Variants in NOL4 observed in about 807,000 individuals in gnomAD.
NOL4 encodes the protein nucleolar protein 4.
Under a neutral mutation model 75.9 loss-of-function variants are expected in NOL4, and 17 were observed. The observed-to-expected ratio is 0.22, with a 90% CI of 0.15 to 0.34. The LOEUF (loss-of-function observed/expected upper bound fraction) is 0.34, where lower values mean the gene tolerates loss of function less well. NOL4 is among the 10% of genes least tolerant of loss of function. The probability of loss-of-function intolerance (pLI) is 1.00; values close to 1 mark genes in which losing one functional copy is unlikely to be tolerated. For synonymous variants in NOL4, 292 were observed against 289.9 expected (o/e 1.01, Z -0.07); for missense variants, 614 against 793.5 (o/e 0.77, Z 2.72).
chr18:34,088,504 T>C (rs2078351342), intron 5 of NOL4, among the ~76,000 whole-genome samples: 1 of 152,072 alleles, frequency 6.6e-6, no homozygotes, highest in South Asian at 2.1e-4. Flanking sequence ...TGCTGAATAT[T>C]TGAAGGATGC....
At chr18:34,024,634 C>T (rs966474838) in intron 5 of NOL4, among the ~76,000 whole-genome samples, 2 of 152,122 alleles carry the variant, frequency 1.3e-5, no homozygotes, top group Non-Finnish European at 2.9e-5. Context: ...TACACCATAA[C>T]TGCCTTTACT....
At chr18:33,994,812 A>G (rs1246512792) in intron 6 of NOL4, among the ~76,000 whole-genome samples, 1 of 151,758 alleles carries the variant, frequency 6.6e-6, no homozygotes, top group Admixed American at 6.6e-5. Flanking sequence ...TTAATGAAAT[A>G]GAGAATAGAG....
At chr18:34,152,975 TAGTC>T (rs1204385360) in intron 1 of NOL4, among the ~76,000 whole-genome samples, 2 of 151,878 alleles carry the variant, frequency 1.3e-5, no homozygotes, top group Admixed American at 6.6e-5. Context: ...AAGTAATCAA[TAGTC>T]AGGAACTATT....
intron 1 of NOL4, among the ~76,000 whole-genome samples, chr18:34,208,780 T>C (rs1380148960): frequency 1.3e-5 from 2 of 152,066 alleles, no homozygotes; most frequent in Non-Finnish European, 2.9e-5. Flanking sequence ...GAGAATCACT[T>C]GAACCTAGGA....
chr18:33,957,563 C>G (rs1390599077), intron 7 of NOL4, 46 bp from the exon 8 acceptor site: 9 of 1,422,478 alleles, frequency 6.3e-6, no homozygotes, highest in African/African-American at 1.4e-5. Context: ...GAGGGCTGCT[C>G]TCTTCTGTTC....
At chr18:33,866,281 C>T (rs947025246) in intron 10 of NOL4, among the ~76,000 whole-genome samples, 4 of 152,044 alleles carry the variant, frequency 2.6e-5, no homozygotes, top group African/African-American at 9.7e-5. Flanking sequence ...CCTGGACTTG[C>T]TTTTTTTAAA....
intron 10 of NOL4, among the ~76,000 whole-genome samples, chr18:33,878,489 A>T (rs116378944): frequency 0.022 from 3,302 of 152,166 alleles, 58 homozygotes; most frequent in Middle Eastern, 0.051. Flanking sequence ...AATTCTCTAC[A>T]GTCAATGCCT....
chr18:34,145,181 T>A (rs2081346709), intron 1 of NOL4, among the ~76,000 whole-genome samples: 1 of 152,120 alleles, frequency 6.6e-6, no homozygotes, highest in Non-Finnish European at 1.5e-5. Flanking sequence ...TTTTGATATA[T>A]CAAACATATA....
intron 6 of NOL4, among the ~76,000 whole-genome samples, chr18:33,989,729 A>G (rs189882264): frequency 6.6e-6 from 1 of 152,252 alleles, no homozygotes; most frequent in African/African-American, 2.4e-5. Context: ...CTATTAGAAT[A>G]GTTCCTGGCA....
At chr18:34,170,985 C>G (rs1324495206) in intron 1 of NOL4, among the ~76,000 whole-genome samples, 1 of 152,114 alleles carries the variant, frequency 6.6e-6, no homozygotes, top group African/African-American at 2.4e-5. Flanking sequence ...ATTAAGCTAA[C>G]ATTGATCAGC....
intron 5 of NOL4, among the ~76,000 whole-genome samples, chr18:34,031,822 C>A (rs1390122377): frequency 6.6e-6 from 1 of 152,160 alleles, no homozygotes; most frequent in Non-Finnish European, 1.5e-5. Flanking sequence ...TGGAGTGTGG[C>A]AATCCAAGCC....
intron 1 of NOL4, among the ~76,000 whole-genome samples, chr18:34,193,845 A>G (rs1388890762): frequency 1.3e-5 from 2 of 152,226 alleles, no homozygotes; most frequent in Admixed American, 1.3e-4. Flanking sequence ...GTCCATCAAC[A>G]GATGAATGGA....
At chr18:34,012,485 A>C (rs2074430057) in intron 6 of NOL4, among the ~76,000 whole-genome samples, 1 of 151,918 alleles carries the variant, frequency 6.6e-6, no homozygotes, top group Non-Finnish European at 1.5e-5. Context: ...TTAAGTATGG[A>C]ATATACTATT....
chr18:34,113,467 T>A (rs1418309300), intron 2 of NOL4, among the ~76,000 whole-genome samples: 1 of 152,012 alleles, frequency 6.6e-6, no homozygotes, highest in Non-Finnish European at 1.5e-5. Flanking sequence ...AGATCCTATC[T>A]CTATATAAAA....
chr18:34,026,292 A>C (rs2075337073), intron 5 of NOL4, among the ~76,000 whole-genome samples: 1 of 151,890 alleles, frequency 6.6e-6, no homozygotes, highest in South Asian at 2.1e-4. Context: ...CCATGCACAC[A>C]CCCTCTCTGG....
At position 34,194,436 on chromosome 18, in the gene NOL4, G is replaced by GAAGA. The variant is rs1296646297; in HGVS notation, c.264+28553_264+28554insTCTT. Among the ~76,000 whole-genome samples, 26 of 140,890 alleles carry GAAGA rather than the reference G, an allele frequency of 1.8e-4. No homozygotes were observed. The Admixed American group carries it at 2.0e-3, about 11-fold the overall frequency. 92.4% of individuals were successfully genotyped at this position (140,890 alleles called of 152,430 possible). ...GGAAGGAGGGAGGGAGGGAAGGAAG[G>GAAGA]AAGGAAGGAAGGAAGGAAGGAAGGC... On this transcript the variant is annotated intron_variant, in intron 1 of 10. Coordinates refer to ENST00000261592, the MANE Select transcript of NOL4 (RefSeq NM_003787.5).
chr18:34,139,385 T>C (rs1471600622), intron 1 of NOL4, among the ~76,000 whole-genome samples: 2 of 152,192 alleles, frequency 1.3e-5, no homozygotes, highest in Admixed American at 6.5e-5. Flanking sequence ...GAGATTCAAC[T>C]TCTTCCTGGT....
intron 2 of NOL4, among the ~76,000 whole-genome samples, chr18:34,122,079 C>T (rs2080168784): frequency 6.6e-6 from 1 of 152,078 alleles, no homozygotes; most frequent in South Asian, 2.1e-4. Flanking sequence ...TTTCCTGTTC[C>T]AAATTCCAAA....
At chr18:34,177,743 C>G (rs550646629) in intron 1 of NOL4, among the ~76,000 whole-genome samples, 1 of 151,776 alleles carries the variant, frequency 6.6e-6, no homozygotes, top group Non-Finnish European at 1.5e-5. Flanking sequence ...ATCCTGTCAA[C>G]TAGAATTCTA....
Sources: gnomAD v4.1 joint callset for allele counts (sites outside exome capture counted in the v4.1 genomes callset) on GRCh38, gnomAD v4.1.1 for gene constraint, MANE v1.5 for transcripts, NCBI Gene and HGNC (gene_info 2026-07-23, HGNC 2026-07-21) for gene names.